The following HMCN2 variants were observed in gnomAD, a reference collection of about 807,000 sequenced individuals.
HMCN2 encodes hemicentin 2, also known as hemicentin-2.
A neutral mutation model predicts 377.5 loss-of-function variants in HMCN2; 325 were observed. The ratio of observed to expected loss-of-function variants is 0.86; its 90% confidence interval spans 0.79 to 0.94. The LOEUF (loss-of-function observed/expected upper bound fraction) is 0.94. Among genes scored for constraint, HMCN2 ranks in the 40% least tolerant of loss-of-function variants. The pLI is 0.00. For missense variants in HMCN2, 4,543 were observed against 4,725.3 expected (o/e 0.96, Z 1.13); for synonymous variants, 2,007 against 2,046.8 (o/e 0.98, Z 0.53).
At chr9:130,386,279 G>T (rs1381608070) in intron 60 of HMCN2, among the ~76,000 whole-genome samples, 164 bp from the exon 61 acceptor site, 2 of 152,162 alleles carry the variant, frequency 1.3e-5, no homozygotes. Flanking sequence ...TGAGGCTCTT[G>T]GAAAAGGCCA....
intron 7 of HMCN2, among the ~76,000 whole-genome samples, chr9:130,297,318 T>C (rs1398741244): frequency 6.6e-6 from 1 of 151,858 alleles, no homozygotes; most frequent in Admixed American, 6.6e-5. Context: ...GGGGGGGATA[T>C]TGAGGGTGGA....
At chr9:130,309,738 C>A (rs1837118434) in intron 14 of HMCN2, among the ~76,000 whole-genome samples, 174 bp from the exon 15 acceptor site, 1 of 152,142 alleles carries the variant, frequency 6.6e-6, no homozygotes, top group Non-Finnish European at 1.5e-5. Flanking sequence ...CCCAAGCCCC[C>A]TGCAGGACTG....
intron 96 of HMCN2, among the ~76,000 whole-genome samples, chr9:130,431,912 C>T (rs1319501275): frequency 6.6e-6 from 1 of 152,228 alleles, no homozygotes; most frequent in Non-Finnish European, 1.5e-5. Flanking sequence ...CTCTAACTCC[C>T]AAACCGGGCA....
rs1475333080 is a variant in HMCN2 at position 130,362,071 on chromosome 9, G to A, written c.6014G>A (p.Arg2005Gln). The A allele has an allele frequency of 1.9e-5, 19 of 986,040 alleles. No individual in the cohort carries two copies. Among genetic ancestry groups the A allele is most frequent in the Non-Finnish European group, 2.3e-5 (19 of 830,084 alleles). The allele number at this position is 986,040 out of a possible 1,614,324, so 61.1% of individuals were successfully genotyped here. The change falls in exon 39 of 98, where the codon CGG becomes CAG. Residue 2005 changes from arginine (R) to glutamine (Q), a missense_variant. Transcript: ENST00000683500. ...CCTGTGTTGGTCAACACCCCTGTCC[G>A]GCTGACCTGCAATGCCACCGGTGCC... Reference protein sequence around the residue: ...PGPVLVNTPVRLTCNATGAPS... With the variant: ...PGPVLVNTPVQLTCNATGAPS...
intron 15 of HMCN2, among the ~76,000 whole-genome samples, chr9:130,317,459 AC>A (rs1438404676): frequency 7.8e-6 from 1 of 128,896 alleles, no homozygotes; most frequent in African/African-American, 2.8e-5. Flanking sequence ...TGATAGCGAG[AC>A]CCCACCATCT....
At chr9:130,426,782 A>C (rs1844404047) in intron 90 of HMCN2, among the ~76,000 whole-genome samples, 1 of 143,950 alleles carries the variant, frequency 6.9e-6, no homozygotes, top group Non-Finnish European at 1.5e-5. Context: ...TTTTTAGCTC[A>C]TCAGCTATCC....
At position 130,391,130 on chromosome 9, in the gene HMCN2, C is replaced by T. The variant is rs1842299839; in HGVS notation, c.9667+10C>T. Reference sequence around the variant, plus strand: ...GTGGTAGCAGTGCTGGGTAGGTCTGCGCCTGCACCCTCCTGTCCCACTCCC... The same window carrying T: ...GTGGTAGCAGTGCTGGGTAGGTCTGTGCCTGCACCCTCCTGTCCCACTCCC... On this transcript the variant is annotated intron_variant, in intron 63 of 97. Coordinates refer to ENST00000683500, the MANE Select transcript of HMCN2 (RefSeq NM_001291815.2). 4 of 987,786 alleles carry T rather than the reference C, an allele frequency of 4.0e-6. No individual in the cohort carries two copies. Among genetic ancestry groups the T allele is most frequent in the African/African-American group, 1.7e-5 (1 of 57,312 alleles). The allele number at this position is 987,786 out of a possible 1,614,324, so 61.2% of individuals were successfully genotyped here. A position where few individuals can be genotyped will look rare whatever the true frequency, so the allele number is the denominator to read the frequency against.
chr9:130,365,246 A>C (rs1233889060), intron 41 of HMCN2, among the ~76,000 whole-genome samples: 3 of 152,244 alleles, frequency 2.0e-5, no homozygotes, highest in African/African-American at 7.2e-5. Context: ...CCCTGAGGAC[A>C]GGTCCCCTGC....
At position 130,357,760 on chromosome 9, in the gene HMCN2, G is replaced by A. The variant is rs1187057959; in HGVS notation, c.5426-74G>A. 7.0e-6 allele frequency: 8 copies of A among 1,144,532 alleles called. No homozygotes were observed. In the African/African-American group the frequency reaches 8.0e-5, roughly 11 times the overall value. The allele number at this position is 1,144,532 out of a possible 1,614,324, so 70.9% of individuals were successfully genotyped here. ...GGGCACCTTCTCACCCCCAGGCATCGAGGGGGTTGCTGGGTGCCCACTGTA... is the reference window on the plus strand; with the variant it reads ...GGGCACCTTCTCACCCCCAGGCATCAAGGGGGTTGCTGGGTGCCCACTGTA... On this transcript the variant is annotated intron_variant, in intron 34 of 97. Coordinates refer to ENST00000683500, the MANE Select transcript of HMCN2 (RefSeq NM_001291815.2).
At chr9:130,317,277 A>G (rs1484497999) in intron 15 of HMCN2, among the ~76,000 whole-genome samples, 1 of 152,072 alleles carries the variant, frequency 6.6e-6, no homozygotes, top group African/African-American at 2.4e-5. Context: ...CATCTGTGAG[A>G]TGGGGATTGT....
chr9:130,290,435 G>GAC (rs1372996510), intron 4 of HMCN2, among the ~76,000 whole-genome samples: 1 of 152,214 alleles, frequency 6.6e-6, no homozygotes, highest in Admixed American at 6.5e-5. Context: ...CAGCAGTTAC[G>GAC]ACACAGTAGC....
In HMCN2 at chr9:130,415,487, A is replaced by T. The variant is rs149556457; in HGVS notation, c.12962-3285A>T. On this transcript the variant is annotated intron_variant, in intron 85 of 97. Transcript: ENST00000683500. ...CCCAAGTAGCTGGGACTGCAGGTGC[A>T]TACCACCATGCCCGGCTACTTTATT... 3.4e-3 allele frequency among the ~76,000 whole-genome samples: 515 copies of T among 152,272 alleles called. 1 individual carries two copies. Among genetic ancestry groups the T allele is most frequent in the Non-Finnish European group, 5.2e-3 (353 of 68,008 alleles).
intron 4 of HMCN2, among the ~76,000 whole-genome samples, chr9:130,291,680 C>T (rs1446342948): frequency 9.2e-5 from 14 of 152,186 alleles, no homozygotes; most frequent in Non-Finnish European, 1.6e-4. Flanking sequence ...AATCATGACA[C>T]CTTATCTATA....
intron 22 of HMCN2, among the ~76,000 whole-genome samples, chr9:130,336,619 C>T (rs913762390): frequency 1.3e-4 from 20 of 152,270 alleles, no homozygotes; most frequent in Admixed American, 1.1e-3. Flanking sequence ...AGACCACCAC[C>T]CACTGTGTCA....
At position 130,348,557 on chromosome 9, in the gene HMCN2, T is replaced by G; in HGVS notation, c.4037T>G (p.Ile1346Ser). ...AKLVVYVPPS[I>S]REDGRKANVS... is the part of the protein sequence containing the mutation. ...CCTTGCCCCCAAGTGCCCCCCAGCA[T>G]CCGGGAGGACGGGCGCAAGGCCAAC... is the stretch of plus-strand genomic sequence containing the variant. The change falls in exon 27 of 98, where the codon ATC becomes AGC. Residue 1346 changes from isoleucine (I) to serine (S), a missense_variant. By Grantham distance (142) the Ile-to-Ser change is moderately radical. Around this residue, in one of 5 missense-constraint regions of HMCN2, gnomAD observed 547 missense variants for 189.9 expected, o/e 2.88. Coordinates refer to ENST00000683500, the MANE Select transcript of HMCN2 (RefSeq NM_001291815.2). The G allele has an allele frequency of 7.7e-7, 1 of 1,304,014 alleles. No homozygotes were observed. The highest frequency in any genetic ancestry group is 1.0e-6 in the Non-Finnish European group (1 of 988,846). The allele number at this position is 1,304,014 out of a possible 1,614,324, so 80.8% of individuals were successfully genotyped here. A position where few individuals can be genotyped will look rare whatever the true frequency, so the allele number is the denominator to read the frequency against.
intron 12 of HMCN2, 125 bp downstream of exon 12, chr9:130,306,395 G>T: frequency 2.5e-6 from 1 of 399,866 alleles, no homozygotes; most frequent in Non-Finnish European, 5.2e-6. Flanking sequence ...CTTGCTCCTG[G>T]GATCATTTGA....
chr9:130,358,263 C>G lies in HMCN2; in HGVS notation c.5581-127C>G, dbSNP rs1588303117. The G allele has an allele frequency of 6.2e-6, 7 of 1,132,424 alleles. No homozygotes were observed. In the Admixed American group the frequency reaches 1.8e-4, roughly 29 times the overall value. The allele number at this position is 1,132,424 out of a possible 1,614,324, so 70.1% of individuals were successfully genotyped here. A position where few individuals can be genotyped will look rare whatever the true frequency, so the allele number is the denominator to read the frequency against. On this transcript the variant is annotated intron_variant, in intron 35 of 97. Coordinates refer to ENST00000683500, the MANE Select transcript of HMCN2 (RefSeq NM_001291815.2). ...AAGTGCTTGGCTCATAACTCTACCT[C>G]CAGAGCCAAAAGTGTCCCCATGCCT...
At chr9:130,335,161 C>G (rs1289935539) in intron 22 of HMCN2, among the ~76,000 whole-genome samples, 1 of 152,128 alleles carries the variant, frequency 6.6e-6, no homozygotes, top group Non-Finnish European at 1.5e-5. Flanking sequence ...ACTCCAGTTT[C>G]TAGCCCAGAC....
rs1053785789 is a variant in HMCN2 at position 130,398,512 on chromosome 9, C to A, written c.11327-39C>A. 5.4e-6 allele frequency: 6 copies of A among 1,119,918 alleles called. No homozygotes were observed. In the Admixed American group the frequency reaches 2.2e-4, roughly 40 times the overall value. The allele number at this position is 1,119,918 out of a possible 1,614,324, so 69.4% of individuals were successfully genotyped here. A position where few individuals can be genotyped will look rare whatever the true frequency, so the allele number is the denominator to read the frequency against. ...CCTCAGAGAGCCCCCAGCCCCTGTG[C>A]CCCCTGCACCTGTCTCCTGACCACT... On this transcript the variant is annotated intron_variant, in intron 74 of 97. Transcript: ENST00000683500.
Sources: gnomAD v4.1 joint callset for allele counts (sites outside exome capture counted in the v4.1 genomes callset) on GRCh38, gnomAD v4.1.1 for gene constraint, gnomAD v4.1.1 regional missense constraint, MANE v1.5 for transcripts, NCBI Gene and HGNC (gene_info 2026-07-23, HGNC 2026-07-21) for gene names.